POGK: variants seen among roughly 807,000 people sequenced by gnomAD.
POGK encodes the protein pogo transposable element derived with KRAB domain.
A neutral mutation model predicts 54.4 loss-of-function variants in POGK; 16 were observed. That is an observed-to-expected ratio of 0.29 (90% CI 0.20 to 0.45). POGK has a LOEUF of 0.45. POGK is among the 20% of genes least tolerant of loss of function. POGK has a pLI of 1.00. For missense variants in POGK, 515 were observed against 795.6 expected, an observed-to-expected ratio of 0.65 and a Z score of 4.24; for synonymous variants, 271 against 302.2, an observed-to-expected ratio of 0.90 and a Z score of 1.07.
intron 2 of POGK, among the ~76,000 whole-genome samples, chr1:166,843,398 C>T (rs1461539508): frequency 6.6e-6 from 1 of 152,216 alleles, no homozygotes; most frequent in Non-Finnish European, 1.5e-5. Context: ...TAAGGGAGGC[C>T]TCAGGCTCTC....
rs2075946 is a variant in POGK at position 166,849,329 on chromosome 1, A to G, written c.750A>G (p.Ala250=). The part of the protein sequence containing the change: ...QLQNAHAMRR[A]FRGPKNGRFA... ...AAAACGCCCACGCCATGCGGCGGGC[A>G]TTCCGAGGCCCCAAGAATGGGAGGT... The change falls in exon 5 of 6, where the codon GCA becomes GCG. Residue 250 remains alanine, a synonymous_variant. Transcript: ENST00000367876. 325,970 of 1,613,990 alleles carry G rather than the reference A, an allele frequency of 0.2. 36,382 individuals are homozygous for G. The highest frequency in any genetic ancestry group is 0.54 in the East Asian group (24,116 of 44,872).
chr1:166,852,766 A>G lies in POGK; in HGVS notation c.*196A>G, dbSNP rs1658125517. ...ACACAGCCCAGCCCCTCCCCACACCATACAAGGTATCAGAAAAGTCTAGGA... is the reference window on the plus strand; with the variant it reads ...ACACAGCCCAGCCCCTCCCCACACCGTACAAGGTATCAGAAAAGTCTAGGA... On this transcript the variant is annotated 3_prime_UTR_variant, in exon 6 of 6. Coordinates refer to ENST00000367876, the MANE Select transcript of POGK (RefSeq NM_017542.5). 6.6e-6 allele frequency: 1 copy of G among 152,290 alleles called. No homozygotes were observed. The highest frequency in any genetic ancestry group is 1.5e-5 in the Non-Finnish European group (1 of 68,082). 9.4% of individuals were successfully genotyped at this position (152,290 alleles called of 1,614,324 possible).
intron 2 of POGK, among the ~76,000 whole-genome samples, chr1:166,843,859 A>T (rs1441093290): frequency 6.6e-6 from 1 of 152,212 alleles, no homozygotes; most frequent in Non-Finnish European, 1.5e-5. Flanking sequence ...GAAAGGGAGG[A>T]GGGCAGGGAC....
chr1:166,843,033 A>G (rs1277771890), intron 2 of POGK, among the ~76,000 whole-genome samples: 2 of 152,272 alleles, frequency 1.3e-5, no homozygotes, highest in Non-Finnish European at 2.9e-5. Context: ...CTATGATAAT[A>G]TATTAGGATA....
At chr1:166,840,222 C>G (rs1459592972) in intron 1 of POGK, 1 of 152,266 alleles carries the variant, frequency 6.6e-6, no homozygotes, top group African/African-American at 2.4e-5. Context: ...GAGTGCGGCC[C>G]TTTGTACTGG....
At chr1:166,840,799 T>G (rs1415179950) in intron 1 of POGK, among the ~76,000 whole-genome samples, 156 bp from the exon 2 acceptor site, 4 of 152,210 alleles carry the variant, frequency 2.6e-5, no homozygotes, top group African/African-American at 9.6e-5. Flanking sequence ...CATGTCACCC[T>G]GTAGCTTCCT....
rs1009118451 is a variant in POGK at position 166,850,249 on chromosome 1, G to A, written c.1670G>A (p.Ser557Asn). Reference protein sequence around the residue: ...FLEWVMVAWNSISSESIVQGF... With the variant: ...FLEWVMVAWNNISSESIVQGF... ...GAGTGGGTCATGGTCGCGTGGAATA[G>A]CATCTCAAGTGAGTCCATCGTCCAA... The change falls in exon 5 of 6, where the codon AGC (serine) becomes AAC (asparagine). Residue 557 changes from serine to asparagine, a missense_variant. Around this residue, in one of 2 missense-constraint regions of POGK, gnomAD observed 461 missense variants for 743.5 expected, o/e 0.62. Transcript: ENST00000367876. 11 of 1,562,834 alleles carry A rather than the reference G, an allele frequency of 7.0e-6. No homozygotes were observed. Among genetic ancestry groups the A allele is most frequent in the Non-Finnish European group, 9.5e-6 (11 of 1,152,696 alleles).
Position 166,841,027 on chromosome 1 carries a change from G to A in POGK, c.71G>A (p.Arg24Gln), listed in dbSNP as rs141874882. 3,432 of 1,614,066 alleles carry A rather than the reference G, an allele frequency of 2.1e-3. 7 individuals are homozygous for A. Among genetic ancestry groups the A allele is most frequent in the Middle Eastern group, 3.0e-3 (18 of 6,054 alleles). Residue 24 changes from arginine (R) to glutamine (Q), a missense_variant, in exon 2 of 6, where the codon CGG becomes CAG. Physicochemically the swap from Arg to Gln is conservative, Grantham distance 43. Transcript: ENST00000367876. Reference protein sequence around the residue: ...EEEEEEEIQSRELEDGPADMQ... With the variant: ...EEEEEEEIQSQELEDGPADMQ... The stretch of plus-strand genomic sequence containing the variant: ...GAAGAGGAAGAAGAGATTCAGAGCC[G>A]GGAACTAGAGGACGGCCCGGCAGAC...
At chr1:166,841,504 C>G (rs2101746087) in intron 2 of POGK, among the ~76,000 whole-genome samples, 1 of 152,304 alleles carries the variant, frequency 6.6e-6, no homozygotes, top group Admixed American at 6.5e-5. Flanking sequence ...GTGTGAGCAC[C>G]TCTTACCACA....
At chr1:166,840,828 T>C (rs1571218217) in intron 1 of POGK, 127 bp from the exon 2 acceptor site, 1 of 1,207,882 alleles carries the variant, frequency 8.3e-7, no homozygotes, top group Non-Finnish European at 1.2e-6. Flanking sequence ...CTTGTTTCCT[T>C]ACTTCCCTCC....
At chr1:166,842,446 CTT>C (rs1657555786) in intron 2 of POGK, among the ~76,000 whole-genome samples, 1 of 152,212 alleles carries the variant, frequency 6.6e-6, no homozygotes, top group African/African-American at 2.4e-5. Flanking sequence ...AAGAGAGACT[CTT>C]TTCCTGATGG....
intron 2 of POGK, among the ~76,000 whole-genome samples, chr1:166,843,350 T>A (rs1363151905): frequency 2.0e-5 from 3 of 152,256 alleles, no homozygotes; most frequent in African/African-American, 7.2e-5. Flanking sequence ...TTGAGCTTTC[T>A]CCTTAGCTCT....
At chr1:166,841,851 T>C (rs1452584602) in intron 2 of POGK, among the ~76,000 whole-genome samples, 1 of 152,114 alleles carries the variant, frequency 6.6e-6, no homozygotes, top group Non-Finnish European at 1.5e-5. Context: ...TCTAAATTGT[T>C]CCCTACCAGA....
chr1:166,840,291 G>C (rs1177017328), intron 1 of POGK: 1 of 152,350 alleles, frequency 6.6e-6, no homozygotes, highest in Non-Finnish European at 1.5e-5. Context: ...TTCCCTGTCG[G>C]GGTGGGCCCC....
chr1:166,850,138 C>T lies in POGK; in HGVS notation c.1559C>T (p.Ala520Val). 1 of 1,582,692 alleles carries T rather than the reference C, an allele frequency of 6.3e-7. No homozygotes were observed. Among genetic ancestry groups the T allele is most frequent in the South Asian group, 1.1e-5 (1 of 87,322 alleles). ...AAGCCACTGAATGACAGTGTGCGGG[C>T]CCAGTACTCCAACTGGCTTCTGGCT... is the stretch of plus-strand genomic sequence containing the variant. ...VYKPLNDSVR[A>V]QYSNWLLAGN... Residue 520 changes from alanine (A) to valine (V), a missense_variant, in exon 5 of 6, where the codon GCC becomes GTC. By Grantham distance (64) the Ala-to-Val change is moderately conservative. This residue lies in a region of POGK where 461 missense variants were observed against 743.5 expected (regional missense o/e 0.62). Transcript: ENST00000367876.
In POGK at chr1:166,840,922, C is replaced by T. The variant is rs538968020; in HGVS notation, c.-2-33C>T. ...AGGCTTTGGGGAGGTCACAGTGACACCTGGTTTTTCTGAACCTGAATCTTG... is the reference window on the plus strand; with the variant it reads ...AGGCTTTGGGGAGGTCACAGTGACATCTGGTTTTTCTGAACCTGAATCTTG... On this transcript the variant is annotated intron_variant, in intron 1 of 5. Coordinates refer to ENST00000367876, the MANE Select transcript of POGK (RefSeq NM_017542.5). 21 of 1,612,474 alleles carry T rather than the reference C, an allele frequency of 1.3e-5. No homozygotes were observed. The South Asian group carries it at 1.9e-4, about 14-fold the overall frequency.
intron 2 of POGK, among the ~76,000 whole-genome samples, chr1:166,843,080 G>C (rs1657606462): frequency 6.6e-6 from 1 of 152,232 alleles, no homozygotes; most frequent in South Asian, 2.1e-4. Flanking sequence ...ACAATTTTAA[G>C]TAGAAAAAAT....
Position 166,850,295 on chromosome 1 carries a change from C to G in POGK, c.1716C>G (p.Ile572Met). 1.2e-6 allele frequency: 2 copies of G among 1,600,152 alleles called. No individual in the cohort carries two copies. Among genetic ancestry groups the G allele is most frequent in the Non-Finnish European group, 1.7e-6 (2 of 1,172,228 alleles). ...TCCAAGGGTTCAAGAAGTGCCATAT[C>G]TCCAGCAACTTGGAGGAGGAAGACG... is the stretch of plus-strand genomic sequence containing the variant. The part of the protein sequence containing the change: ...SIVQGFKKCH[I>M]SSNLEEEDDV... The change falls in exon 5 of 6, where the codon ATC becomes ATG. Residue 572 changes from isoleucine (I) to methionine (M), a missense_variant. This residue lies in a region of POGK where 461 missense variants were observed against 743.5 expected (regional missense o/e 0.62). Coordinates refer to ENST00000367876, the MANE Select transcript of POGK (RefSeq NM_017542.5).
At chr1:166,841,949 G>A (rs1393786582) in intron 2 of POGK, among the ~76,000 whole-genome samples, 1 of 151,602 alleles carries the variant, frequency 6.6e-6, no homozygotes, top group African/African-American at 2.4e-5. Context: ...CAGGTCTCCT[G>A]AGCTGCACCC....
Sources: allele counts gnomAD v4.1 joint callset (sites outside exome capture counted in the v4.1 genomes callset), GRCh38; gene constraint gnomAD v4.1.1; regional missense constraint gnomAD v4.1.1; transcripts MANE v1.5; gene names NCBI Gene and HGNC (gene_info 2026-07-23, HGNC 2026-07-21).